The following C1QBP variants were observed in gnomAD, a reference collection of about 807,000 sequenced individuals.
C1QBP encodes the protein complement component 1 Q subcomponent-binding protein, mitochondrial.
C1QBP carries 24 observed loss-of-function variants against 29.4 expected under a neutral mutation model. The ratio of observed to expected loss-of-function variants is 0.82; its 90% CI spans 0.59 to 1.15. The LOEUF is 1.15. Ranked by LOEUF, C1QBP falls within the 50% of genes most tolerant of loss-of-function variation. The pLI is 0.00. For missense variants in C1QBP, 337 were observed against 355.8 expected, an observed-to-expected ratio of 0.95 and a Z score of 0.43; for synonymous variants, 182 against 149.2, an observed-to-expected ratio of 1.22 and a Z score of -1.60.
At chr17:5,435,677 A>G (rs1916248841) in intron 2 of C1QBP, among the ~76,000 whole-genome samples, 1 of 152,102 alleles carries the variant, frequency 6.6e-6, no homozygotes, top group Admixed American at 6.6e-5. Context: ...TTCTTGGGAC[A>G]TAAGGTTTAG....
rs369279046 is a variant in C1QBP at position 5,433,131 on chromosome 17, C to T, written c.733G>A (p.Asp245Asn). The T allele has an allele frequency of 1.9e-5, 30 of 1,613,876 alleles. No individual in the cohort carries two copies. The African/African-American group carries it at 2.5e-4, about 14-fold the overall frequency. ...LYDHLMDFLA[D>N]RGVDNTFADE... ...GCAAAAGTGTTGTCCACCCCTCGGT[C>T]GGCAAGGAAATCCATTAGGTGGTCA... The change falls in exon 6 of 6, where the codon GAC becomes AAC. Residue 245 changes from aspartate (D) to asparagine (N), a missense_variant. By Grantham distance (23) the Asp-to-Asn change is conservative. Coordinates refer to ENST00000225698, the MANE Select transcript of C1QBP (RefSeq NM_001212.4).
rs769117497 is a variant in C1QBP at position 5,439,103 on chromosome 17, G to A, written c.-30C>T. On this transcript the variant is annotated 5_prime_UTR_variant, in exon 1 of 6. Transcript: ENST00000225698. ...GAAACGACTGCGAACACGTGCAGAT[G>A]CAAAGGACAACCCAGGCCTAGGCGC... 71 of 1,539,810 alleles carry A rather than the reference G, an allele frequency of 4.6e-5. No individual in the cohort carries two copies. The highest frequency in any genetic ancestry group is 5.7e-5 in the Non-Finnish European group (65 of 1,142,992).
At chr17:5,435,525 A>C (rs1916245716) in intron 2 of C1QBP, among the ~76,000 whole-genome samples, 1 of 152,104 alleles carries the variant, frequency 6.6e-6, no homozygotes, top group African/African-American at 2.4e-5. Flanking sequence ...ACAAAGAACA[A>C]GGGCTGTAGT....
chr17:5,436,337 G>C (rs1916271470), intron 2 of C1QBP, among the ~76,000 whole-genome samples: 1 of 151,296 alleles, frequency 6.6e-6, no homozygotes, highest in Non-Finnish European at 1.5e-5. Flanking sequence ...AACACACTAT[G>C]CAACAGGCAA....
At chr17:5,433,228 T>A (rs950674975) in intron 5 of C1QBP, 64 bp from the exon 6 acceptor site, 1 of 1,609,548 alleles carries the variant, frequency 6.2e-7, no homozygotes, top group Non-Finnish European at 8.5e-7. Context: ...TGCTTTTTTC[T>A]CCCCTTGAAC....
Position 5,438,945 on chromosome 17 carries a change from G to A in C1QBP, c.129C>T (p.Phe43=), listed in dbSNP as rs148027788. 2,113 of 1,523,274 alleles carry A rather than the reference G, an allele frequency of 1.4e-3. 30 individuals carry two copies. In the African/African-American group the frequency reaches 0.027, roughly 19 times the overall value. The allele number at this position is 1,523,274 out of a possible 1,614,324, so 94.4% of individuals were successfully genotyped here. The change falls in exon 1 of 6, where the codon TTC becomes TTT. Residue 43 remains phenylalanine (F), a synonymous_variant. Coordinates refer to ENST00000225698, the MANE Select transcript of C1QBP (RefSeq NM_001212.4). ...AACCTGCGCGCACGCTGAGCAGCCC[G>A]AAGGGCCGGGTGCACAGCCGGGGTG... ...QPAPRLCTRP[F]GLLSVRAGSE... is the part of the protein sequence containing the mutation.
intron 2 of C1QBP, among the ~76,000 whole-genome samples, chr17:5,437,398 G>A (rs184061108): frequency 4.6e-4 from 70 of 152,288 alleles, no homozygotes; most frequent in Admixed American, 9.1e-4. Context: ...GCGCGGTGGC[G>A]CGATCTCGAC....
chr17:5,434,796 A>T, intron 3 of C1QBP, 77 bp downstream of exon 3: 1 of 1,366,230 alleles, frequency 7.3e-7, no homozygotes, highest in Non-Finnish European at 1.0e-6. Context: ...GAAAGACCAA[A>T]GAAAAACGCT....
Position 5,433,709 on chromosome 17 carries a change from T to G in C1QBP, c.536A>C (p.Lys179Thr). 2.5e-6 allele frequency: 4 copies of G among 1,614,238 alleles called. No homozygotes were observed. Among genetic ancestry groups the G allele is most frequent in the Non-Finnish European group, 3.4e-6 (4 of 1,180,042 alleles). The change falls in exon 4 of 6, where the codon AAG becomes ACG. Residue 179 changes from lysine (K) to threonine (T), a missense_variant. Physicochemically the swap from Lys to Thr is moderately conservative, Grantham distance 78. Transcript: ENST00000225698. ...ATGACAGTCCAACACAAGGGCCTTC[T>G]TGCCATCATCATTCTTTATAACTTC... is the stretch of plus-strand genomic sequence containing the variant. The part of the protein sequence containing the change: ...VVEVIKNDDG[K>T]KALVLDCHYP...
rs1916124151 is a variant in C1QBP at position 5,432,879 on chromosome 17, A to G, written c.*136T>C. The G allele has an allele frequency of 1.1e-5, 12 of 1,064,628 alleles. No homozygotes were observed. Among genetic ancestry groups the G allele is most frequent in the South Asian group, 1.9e-5 (1 of 53,888 alleles). 65.9% of individuals were successfully genotyped at this position (1,064,628 alleles called of 1,614,324 possible). A position where few individuals can be genotyped will look rare whatever the true frequency, so the allele number is the denominator to read the frequency against. Reference sequence around the variant, plus strand: ...GATAATAAATGAGAACACAAAACATATAATTTAAATTTGGTATTTTTTCCC... The same window carrying G: ...GATAATAAATGAGAACACAAAACATGTAATTTAAATTTGGTATTTTTTCCC... On this transcript the variant is annotated 3_prime_UTR_variant, in exon 6 of 6. Coordinates refer to ENST00000225698, the MANE Select transcript of C1QBP (RefSeq NM_001212.4).
Position 5,432,986 on chromosome 17 carries a change from G to T in C1QBP, c.*29C>A. 1 of 1,595,402 alleles carries T rather than the reference G, an allele frequency of 6.3e-7. No individual in the cohort carries two copies. Among genetic ancestry groups the T allele is most frequent in the East Asian group, 2.2e-5 (1 of 44,620 alleles). On this transcript the variant is annotated 3_prime_UTR_variant, in exon 6 of 6. Transcript: ENST00000225698. Reference sequence around the variant, plus strand: ...TTGTTCACTGGCCAAAGCCTGCCATGAAACTATGGCTTTCAGCATCTGTCT... The same window carrying T: ...TTGTTCACTGGCCAAAGCCTGCCATTAAACTATGGCTTTCAGCATCTGTCT...
chr17:5,434,770 G>C lies in C1QBP; in HGVS notation c.477+103C>G. On this transcript the variant is annotated intron_variant, in intron 3 of 5. Coordinates refer to ENST00000225698, the MANE Select transcript of C1QBP (RefSeq NM_001212.4). ...CGTGAGCCATGCGACTGGACTTAGA[G>C]GAATTTTTTTTTTTTGAAAGACCAA... The C allele has an allele frequency of 3.8e-6, 4 of 1,057,384 alleles. No individual in the cohort carries two copies. In the East Asian group the frequency reaches 7.9e-5, roughly 21 times the overall value. 65.5% of individuals were successfully genotyped at this position (1,057,384 alleles called of 1,614,324 possible).
chr17:5,432,843 C>T lies in C1QBP; in HGVS notation c.*172G>A, dbSNP rs1051830830. 1.1e-6 allele frequency: 1 copy of T among 945,348 alleles called. No homozygotes were observed. Among genetic ancestry groups the T allele is most frequent in the South Asian group, 2.1e-5 (1 of 47,862 alleles). 58.6% of individuals were successfully genotyped at this position (945,348 alleles called of 1,614,324 possible). On this transcript the variant is annotated 3_prime_UTR_variant, in exon 6 of 6. Coordinates refer to ENST00000225698, the MANE Select transcript of C1QBP (RefSeq NM_001212.4). ...AAAATCTAGAAATAATAGATTTGTA[C>T]AGAAAAAAATGATAATAAATGAGAA...
chr17:5,438,814 A>C (rs1597351216), intron 1 of C1QBP, 28 bp downstream of exon 1: 1 of 1,546,770 alleles, frequency 6.5e-7, no homozygotes, highest in African/African-American at 1.4e-5. Flanking sequence ...TTGAACGCAA[A>C]CCACACCCCC....
chr17:5,435,944 G>A (rs1036906592), intron 2 of C1QBP, among the ~76,000 whole-genome samples: 3 of 149,314 alleles, frequency 2.0e-5, no homozygotes, highest in Non-Finnish European at 4.4e-5. Context: ...TACTCAGGAG[G>A]CTGAGGCAGG....
At chr17:5,436,002 C>T (rs1470178432) in intron 2 of C1QBP, among the ~76,000 whole-genome samples, 1 of 145,094 alleles carries the variant, frequency 6.9e-6, no homozygotes, top group Non-Finnish European at 1.5e-5. Flanking sequence ...GCCGAGATCA[C>T]GCCACTGCTC....
rs1333195648 is a variant in C1QBP, at chr17:5,438,855, C to A, written c.219G>T (p.Ser73=). The change falls in exon 1 of 6, where the codon TCG becomes TCT. Residue 73 remains serine (S), a synonymous_variant. Transcript: ENST00000225698. ...GCTAAACCTCACCGTCGGTGTGCAG[C>A]GAGCCGCAGCCACAGCCACAGGCGC... ...GPCACGCGCG[S]LHTDGDKAFV... 3 of 1,545,952 alleles carry A rather than the reference C, an allele frequency of 1.9e-6. 1 individual carries two copies. In the East Asian group the frequency reaches 7.4e-5, roughly 38 times the overall value.
chr17:5,433,462 C>G (rs773479371), intron 4 of C1QBP, 47 bp from the exon 5 acceptor site: 10 of 1,612,948 alleles, frequency 6.2e-6, no homozygotes, highest in Non-Finnish European at 8.5e-6. Flanking sequence ...CCAGGACAAG[C>G]TAGACTCAGG....
At position 5,432,852 on chromosome 17, in the gene C1QBP, A is replaced by G. The variant is rs943598216; in HGVS notation, c.*163T>C. 17 of 950,674 alleles carry G rather than the reference A, an allele frequency of 1.8e-5. No homozygotes were observed. The highest frequency in any genetic ancestry group is 2.4e-5 in the Non-Finnish European group (16 of 670,340). The allele number at this position is 950,674 out of a possible 1,614,324, so 58.9% of individuals were successfully genotyped here. On this transcript the variant is annotated 3_prime_UTR_variant, in exon 6 of 6. Transcript: ENST00000225698. ...AAATAATAGATTTGTACAGAAAAAA[A>G]TGATAATAAATGAGAACACAAAACA...
Sources: gnomAD v4.1 joint callset for allele counts (sites outside exome capture counted in the v4.1 genomes callset) on GRCh38, gnomAD v4.1.1 for gene constraint, MANE v1.5 for transcripts, NCBI Gene and HGNC (gene_info 2026-07-23, HGNC 2026-07-21) for gene names.